PCSK6: variants seen among roughly 807,000 people sequenced by gnomAD.
PCSK6 encodes the protein proprotein convertase subtilisin/kexin type 6.
A neutral mutation model predicts 123.3 loss-of-function variants in PCSK6; 85 were observed. The ratio of observed to expected loss-of-function variants is 0.69; its 90% CI spans 0.58 to 0.83. The LOEUF (loss-of-function observed/expected upper bound fraction) is 0.83. Ranked by LOEUF, PCSK6 falls within the 40% of genes least tolerant of loss-of-function variation. The pLI is 0.00. For missense variants in PCSK6, 1,191 were observed against 1,282.3 expected (o/e 0.93, Z 1.09); for synonymous variants, 508 against 516.0 (o/e 0.98, Z 0.21).
chr15:101,364,339 C>T (rs755272745), intron 13 of PCSK6, among the ~76,000 whole-genome samples: 4 of 152,224 alleles, frequency 2.6e-5, no homozygotes, highest in East Asian at 1.9e-4. Context: ...CAAAGACAGG[C>T]GTTTATAGAC....
chr15:101,304,832 G>A lies in PCSK6; in HGVS notation c.*426C>T. The A allele has an allele frequency of 5.8e-6, 1 of 172,250 alleles. No individual in the cohort carries two copies. Among genetic ancestry groups the A allele is most frequent in the Non-Finnish European group, 1.3e-5 (1 of 79,938 alleles). The allele number at this position is 172,250 out of a possible 1,614,324, so 10.7% of individuals were successfully genotyped here. On this transcript the variant is annotated 3_prime_UTR_variant, in exon 22 of 22. Coordinates refer to ENST00000611716, the MANE Select transcript of PCSK6 (RefSeq NM_002570.5). The stretch of plus-strand genomic sequence containing the variant: ...TGGCCCTTTGTCACATGTGAGGATG[G>A]CCCAGGGTTCGCCAGCTGGGCCGGG...
intron 11 of PCSK6, among the ~76,000 whole-genome samples, chr15:101,371,331 G>A (rs1398978207): frequency 6.6e-6 from 1 of 152,184 alleles, no homozygotes; most frequent in Non-Finnish European, 1.5e-5. Flanking sequence ...TCGTTTCTCA[G>A]TTGCCCTAGT....
chr15:101,470,982 C>A (rs1007456633), intron 1 of PCSK6, among the ~76,000 whole-genome samples: 2 of 152,216 alleles, frequency 1.3e-5, no homozygotes, highest in African/African-American at 4.8e-5. Context: ...AGCAACCCAG[C>A]CTACCTTGCC....
Position 101,305,342 on chromosome 15 carries a change from G to T in PCSK6, c.2826C>A (p.Phe942Leu), listed in dbSNP as rs780476121. ...GCCGGTTGGACTTCACCATCTCGCA[G>T]AATGTCTCGTCAGCTGGGGCCCCGC... ...NHTCSNADET[F>L]CEMVKSNRLC... Residue 942 changes from phenylalanine to leucine, a missense_variant, in exon 22 of 22, where the codon TTC becomes TTA. This residue lies in a region of PCSK6 where 630 missense variants were observed against 631.4 expected (regional missense o/e 1.00). Transcript: ENST00000611716. This position sits in a 1 kb window ranked among gnomAD's most constrained non-coding sequence, Gnocchi z 4.8. 1.2e-6 allele frequency: 2 copies of T among 1,612,406 alleles called. No individual in the cohort carries two copies. Among genetic ancestry groups the T allele is most frequent in the South Asian group, 2.2e-5 (2 of 90,988 alleles).
intron 1 of PCSK6, among the ~76,000 whole-genome samples, chr15:101,467,086 G>A (rs1466055626): frequency 6.6e-6 from 1 of 151,020 alleles, no homozygotes; most frequent in African/African-American, 2.5e-5. Flanking sequence ...AGTTTAATCA[G>A]AAGACACCCC....
intron 10 of PCSK6, 177 bp downstream of exon 10, chr15:101,384,145 A>G (rs755364011): frequency 4.5e-5 from 64 of 1,410,786 alleles, no homozygotes; most frequent in Non-Finnish European, 5.7e-5. Flanking sequence ...CCGTAATGTC[A>G]CTGTGAGCTT....
At chr15:101,388,959 C>A (rs2042149516) in intron 9 of PCSK6, among the ~76,000 whole-genome samples, 1 of 152,172 alleles carries the variant, frequency 6.6e-6, no homozygotes, top group African/African-American at 2.4e-5. Flanking sequence ...TCATCGAAGT[C>A]TTAGGCCCCA....
intron 13 of PCSK6, among the ~76,000 whole-genome samples, chr15:101,357,917 C>T (rs957519778): frequency 5.3e-5 from 8 of 152,212 alleles, no homozygotes; most frequent in Admixed American, 4.6e-4. Context: ...ACCAGAGCAT[C>T]CTCCCAGAGG....
intron 2 of PCSK6, among the ~76,000 whole-genome samples, chr15:101,434,081 T>C (rs1405331361): frequency 6.6e-6 from 1 of 152,212 alleles, no homozygotes; most frequent in African/African-American, 2.4e-5. Context: ...AAATGAGATA[T>C]TTTGTTCCTA....
intron 2 of PCSK6, among the ~76,000 whole-genome samples, chr15:101,442,000 G>A (rs1229455186): frequency 6.6e-6 from 1 of 152,190 alleles, no homozygotes; most frequent in Non-Finnish European, 1.5e-5. Flanking sequence ...CCTGTACAGA[G>A]GCTCCCTGCT....
At chr15:101,388,900 G>T (rs1314531773) in intron 9 of PCSK6, among the ~76,000 whole-genome samples, 2 of 152,102 alleles carry the variant, frequency 1.3e-5, no homozygotes, top group Non-Finnish European at 2.9e-5. Context: ...TAGGGCGGGG[G>T]GTCAATGGGG....
intron 1 of PCSK6, among the ~76,000 whole-genome samples, chr15:101,470,214 A>G (rs1393215015): frequency 6.6e-6 from 1 of 152,142 alleles, no homozygotes; most frequent in Admixed American, 6.5e-5. Flanking sequence ...ATTTTATTTC[A>G]CCAATGTCTC....
intron 1 of PCSK6, among the ~76,000 whole-genome samples, chr15:101,472,305 G>T (rs142253827): frequency 3.6e-4 from 55 of 152,358 alleles, no homozygotes; most frequent in African/African-American, 1.0e-3. Context: ...CCCTGAAGAG[G>T]CCTCAGGACA....
chr15:101,488,408 C>T (rs1403107189), intron 1 of PCSK6, among the ~76,000 whole-genome samples: 2 of 152,184 alleles, frequency 1.3e-5, no homozygotes, highest in African/African-American at 4.8e-5. Flanking sequence ...AGGGACCCGC[C>T]GGGAGGTCCT....
At chr15:101,401,459 C>T (rs2042583182) in intron 6 of PCSK6, among the ~76,000 whole-genome samples, 1 of 152,224 alleles carries the variant, frequency 6.6e-6, no homozygotes, top group South Asian at 2.1e-4. Flanking sequence ...TGGCACAAGG[C>T]AAGTGGACTT....
chr15:101,362,842 A>G (rs1397613437), intron 13 of PCSK6, among the ~76,000 whole-genome samples: 1 of 152,220 alleles, frequency 6.6e-6, no homozygotes, highest in East Asian at 1.9e-4. Flanking sequence ...CCCAGTCTTA[A>G]CCACTGCACC....
intron 4 of PCSK6, among the ~76,000 whole-genome samples, chr15:101,430,440 G>C (rs891747934): frequency 1.3e-5 from 2 of 152,192 alleles, no homozygotes; most frequent in Non-Finnish European, 2.9e-5. Context: ...AGTCACTCGT[G>C]TAAGTGGAAT....
intron 7 of PCSK6, among the ~76,000 whole-genome samples, chr15:101,395,311 G>C (rs1399117608): frequency 2.0e-5 from 3 of 152,208 alleles, no homozygotes; most frequent in African/African-American, 7.2e-5. Context: ...GTGCCCCAAA[G>C]TCCAGGGTGG....
rs1234199982 is a variant in PCSK6, at chr15:101,382,101, T to C, written c.1523A>G (p.Lys508Arg). ...CACAGCAGAGCCTTACCTGGGTCTCTTGTCCGAGGCGGCCACACACATGTG... is the reference window on the plus strand; with the variant it reads ...CACAGCAGAGCCTTACCTGGGTCTCCTGTCCGAGGCGGCCACACACATGTG... ...SQHMCVAASD[K>R]RPRSIPLVQV... Residue 508 changes from lysine to arginine, a missense_variant, in exon 11 of 22, where the codon AAG becomes AGG. Physicochemically the swap from Lys to Arg is conservative, Grantham distance 26. This residue lies in a region of PCSK6 where 630 missense variants were observed against 631.4 expected (regional missense o/e 1.00). Transcript: ENST00000611716. 4 of 1,604,954 alleles carry C rather than the reference T, an allele frequency of 2.5e-6. No homozygotes were observed. Among genetic ancestry groups the C allele is most frequent in the Non-Finnish European group, 3.4e-6 (4 of 1,175,670 alleles).
Sources: allele counts gnomAD v4.1 joint callset (sites outside exome capture counted in the v4.1 genomes callset), GRCh38; gene constraint gnomAD v4.1.1; regional missense constraint gnomAD v4.1.1; non-coding constraint Gnocchi (gnomAD v3.1); transcripts MANE v1.5; gene names NCBI Gene and HGNC (gene_info 2026-07-23, HGNC 2026-07-21).